ASCL5: variants seen among roughly 807,000 people sequenced by gnomAD.
ASCL5 encodes achaete-scute homolog 5.
For missense variants in ASCL5, 262 were observed against 268.9 expected, an observed-to-expected ratio of 0.97 and a Z score of 0.18; for synonymous variants, 124 against 131.5, an observed-to-expected ratio of 0.94 and a Z score of 0.39.
rs1334144000 is a variant in ASCL5, at chr1:201,115,497, C to T, written c.-125G>A. 1 of 756,398 alleles carries T rather than the reference C, an allele frequency of 1.3e-6. No individual in the cohort carries two copies. Among genetic ancestry groups the T allele is most frequent in the Non-Finnish European group, 1.8e-6 (1 of 554,966 alleles). 46.9% of individuals were successfully genotyped at this position (756,398 alleles called of 1,614,324 possible). Reference sequence around the variant, plus strand: ...AGCAGCTCTTGGGTACCAGGACTTGCTAGGGCCTCTTTTCGCCCTTTAGGG... The same window carrying T: ...AGCAGCTCTTGGGTACCAGGACTTGTTAGGGCCTCTTTTCGCCCTTTAGGG... On this transcript the variant is annotated 5_prime_UTR_variant, in exon 2 of 2. It removes the in-frame stop codon of an upstream open reading frame in the 5' UTR. Coordinates refer to ENST00000449188, the MANE Select transcript of ASCL5 (RefSeq NM_001270601.2).
chr1:201,115,547 G>A lies in ASCL5; in HGVS notation c.-175C>T, dbSNP rs1200529852. ...GTGGCTTCCAATGACTCCCTAACAA[G>A]AGCCATCGCCCTAGACAAGTGTGGC... is the stretch of plus-strand genomic sequence containing the variant. On this transcript the variant is annotated 5_prime_UTR_variant, in exon 2 of 2. Coordinates refer to ENST00000449188, the MANE Select transcript of ASCL5 (RefSeq NM_001270601.2). The A allele has an allele frequency of 4.7e-6, 2 of 422,310 alleles. No homozygotes were observed. The highest frequency in any genetic ancestry group is 8.0e-6 in the Non-Finnish European group (2 of 249,934). The allele number at this position is 422,310 out of a possible 1,614,324, so 26.2% of individuals were successfully genotyped here. A position where few individuals can be genotyped will look rare whatever the true frequency, so the allele number is the denominator to read the frequency against.
At chr1:201,120,798 T>C (rs1168300438) in intron 1 of ASCL5, among the ~76,000 whole-genome samples, 1 of 152,316 alleles carries the variant, frequency 6.6e-6, no homozygotes, top group East Asian at 1.9e-4. Context: ...AAGGAAGTAT[T>C]GGGGAAAGTG....
chr1:201,124,613 G>A (rs1485290207), intron 1 of ASCL5, among the ~76,000 whole-genome samples: 3 of 152,236 alleles, frequency 2.0e-5, no homozygotes, highest in African/African-American at 7.2e-5. Context: ...AGGAAGATGG[G>A]TCTGGTGGCC....
At chr1:201,121,026 G>T (rs905082343) in intron 1 of ASCL5, among the ~76,000 whole-genome samples, 3 of 152,200 alleles carry the variant, frequency 2.0e-5, no homozygotes, top group Non-Finnish European at 4.4e-5. Context: ...CCTGCCTCCA[G>T]GCAAGGTGGT....
intron 1 of ASCL5, among the ~76,000 whole-genome samples, chr1:201,126,156 A>G (rs979531176): frequency 6.6e-6 from 1 of 151,116 alleles, no homozygotes; most frequent in Admixed American, 6.6e-5. Flanking sequence ...TTTTTTAAGT[A>G]ACAGGATCTC....
chr1:201,121,270 AG>A (rs1663453120), intron 1 of ASCL5, among the ~76,000 whole-genome samples: 1 of 152,266 alleles, frequency 6.6e-6, no homozygotes, highest in Admixed American at 6.5e-5. Context: ...AATACACTTC[AG>A]GAAATTCTGC....
intron 1 of ASCL5, among the ~76,000 whole-genome samples, chr1:201,126,138 AT>A (rs58644617): frequency 1.2e-3 from 181 of 147,588 alleles, no homozygotes; most frequent in Middle Eastern, 7.1e-3. Context: ...TTTAAAGTTA[AT>A]TTTTTTTTTT....
chr1:201,115,578 T>G lies in ASCL5; in HGVS notation c.-206A>C, dbSNP rs1663322929. 5.1e-6 allele frequency: 2 copies of G among 389,546 alleles called. No homozygotes were observed. Among genetic ancestry groups the G allele is most frequent in the African/African-American group, 4.1e-5 (2 of 48,418 alleles). The allele number at this position is 389,546 out of a possible 1,614,324, so 24.1% of individuals were successfully genotyped here. A position where few individuals can be genotyped will look rare whatever the true frequency, so the allele number is the denominator to read the frequency against. On this transcript the variant is annotated 5_prime_UTR_variant, in exon 2 of 2. Transcript: ENST00000449188. ...TCGCCCTAGACAAGTGTGGCCCCTC[T>G]CAGGAGGTCGGTGCACGCCTTCTCA...
intron 1 of ASCL5, among the ~76,000 whole-genome samples, chr1:201,118,325 A>T (rs534670255): frequency 5.9e-5 from 9 of 152,182 alleles, no homozygotes; most frequent in Non-Finnish European, 7.4e-5. Context: ...ACAAAAAATT[A>T]AAAAAATTAG....
In ASCL5 at chr1:201,115,229, G is replaced by A. The variant is rs1663314277; in HGVS notation, c.144C>T (p.Tyr48=). 1 of 1,231,574 alleles carries A rather than the reference G, an allele frequency of 8.1e-7. No homozygotes were observed. The highest frequency in any genetic ancestry group is 1.0e-6 in the Non-Finnish European group (1 of 987,894). The allele number at this position is 1,231,574 out of a possible 1,614,324, so 76.3% of individuals were successfully genotyped here. ...EPLGNVPFLL[Y]PGPAEPPYYD... is the part of the protein sequence containing the mutation. ...AGTAGGGCGGCTCTGCTGGGCCCGGGTACAGCAGGAAGGGCACGTTGCCCA... is the reference window on the plus strand; with the variant it reads ...AGTAGGGCGGCTCTGCTGGGCCCGGATACAGCAGGAAGGGCACGTTGCCCA... The change falls in exon 2 of 2, where the codon TAC becomes TAT. Residue 48 remains tyrosine (Y), a synonymous_variant. Coordinates refer to ENST00000449188, the MANE Select transcript of ASCL5 (RefSeq NM_001270601.2).
Position 201,115,573 on chromosome 1 carries a change from C to T in ASCL5, c.-201G>A. The T allele has an allele frequency of 5.0e-6, 2 of 396,994 alleles. No homozygotes were observed. Among genetic ancestry groups the T allele is most frequent in the Non-Finnish European group, 8.7e-6 (2 of 228,914 alleles). 24.6% of individuals were successfully genotyped at this position (396,994 alleles called of 1,614,324 possible). ...AGCCATCGCCCTAGACAAGTGTGGC[C>T]CCTCTCAGGAGGTCGGTGCACGCCT... On this transcript the variant is annotated 5_prime_UTR_variant, in exon 2 of 2. Transcript: ENST00000449188.
chr1:201,114,854 G>A lies in ASCL5; in HGVS notation c.519C>T (p.Gly173=). The A allele has an allele frequency of 1.6e-6, 2 of 1,223,418 alleles. No individual in the cohort carries two copies. Among genetic ancestry groups the A allele is most frequent in the Non-Finnish European group, 1.0e-6 (1 of 982,208 alleles). 75.8% of individuals were successfully genotyped at this position (1,223,418 alleles called of 1,614,324 possible). A position where few individuals can be genotyped will look rare whatever the true frequency, so the allele number is the denominator to read the frequency against. ...AGGAGGGCGCCCGGGCCTCGCCGTC[G>A]CCAGGGCGGTCGGGACGGGGGGTGG... is the stretch of plus-strand genomic sequence containing the variant. ...PPATPRPDRP[G]DGEARAPSSL... is the part of the protein sequence containing the mutation. Residue 173 remains glycine (G), a synonymous_variant, in exon 2 of 2, where the codon GGC becomes GGT. Transcript: ENST00000449188.
chr1:201,114,946 G>T lies in ASCL5; in HGVS notation c.427C>A (p.Pro143Thr). The change falls in exon 2 of 2, where the codon CCC becomes ACC. Residue 143 changes from proline to threonine, a missense_variant. Physicochemically the swap from Pro to Thr is conservative, Grantham distance 38 (BLOSUM62 -1). Coordinates refer to ENST00000449188, the MANE Select transcript of ASCL5 (RefSeq NM_001270601.2). ...GAAGCGGGGGGCGTCGAGCCGTCGG[G>T]GGCCGAGCTCAGCAGCTCTTGCAGG... Reference protein sequence around the residue: ...KYLQELLSSAPDGSTPPASRG... With the variant: ...KYLQELLSSATDGSTPPASRG... The T allele has an allele frequency of 8.1e-7, 1 of 1,231,310 alleles. No homozygotes were observed. Among genetic ancestry groups the T allele is most frequent in the Non-Finnish European group, 1.0e-6 (1 of 987,762 alleles). The allele number at this position is 1,231,310 out of a possible 1,614,324, so 76.3% of individuals were successfully genotyped here. A position where few individuals can be genotyped will look rare whatever the true frequency, so the allele number is the denominator to read the frequency against.
In ASCL5 at chr1:201,115,833, G is replaced by C. The variant is rs749918977; in HGVS notation, c.-461C>G. 1.3e-5 allele frequency: 2 copies of C among 152,926 alleles called. No homozygotes were observed. The highest frequency in any genetic ancestry group is 2.9e-5 in the Non-Finnish European group (2 of 68,546). The allele number at this position is 152,926 out of a possible 1,614,324, so 9.5% of individuals were successfully genotyped here. Reference sequence around the variant, plus strand: ...CGGGGTCCCCAAACTGATGGCTGCTGTTAGGAGTGCGCCAGCTCAGTGGAG... The same window carrying C: ...CGGGGTCCCCAAACTGATGGCTGCTCTTAGGAGTGCGCCAGCTCAGTGGAG... On this transcript the variant is annotated 5_prime_UTR_variant, in exon 2 of 2. Transcript: ENST00000449188.
chr1:201,114,685 C>G lies in ASCL5; in HGVS notation c.*67G>C. ...CATCGCGGGTGACCCAACAGCCTCCCGCTGCTCCCGAAAGTGGGACGGGGC... is the reference window on the plus strand; with the variant it reads ...CATCGCGGGTGACCCAACAGCCTCCGGCTGCTCCCGAAAGTGGGACGGGGC... On this transcript the variant is annotated 3_prime_UTR_variant, in exon 2 of 2. Transcript: ENST00000449188. The G allele has an allele frequency of 2.5e-6, 3 of 1,218,626 alleles. No individual in the cohort carries two copies. The highest frequency in any genetic ancestry group is 3.1e-6 in the Non-Finnish European group (3 of 977,324). 75.5% of individuals were successfully genotyped at this position (1,218,626 alleles called of 1,614,324 possible). A position where few individuals can be genotyped will look rare whatever the true frequency, so the allele number is the denominator to read the frequency against.
At chr1:201,121,641 T>C (rs1663465091) in intron 1 of ASCL5, among the ~76,000 whole-genome samples, 2 of 152,136 alleles carry the variant, frequency 1.3e-5, no homozygotes, top group African/African-American at 4.8e-5. Context: ...AGGTTCTGCA[T>C]ACTTTAGTAG....
intron 1 of ASCL5, among the ~76,000 whole-genome samples, chr1:201,126,057 TGTTA>T (rs1398656892): frequency 6.6e-6 from 1 of 152,360 alleles, no homozygotes; most frequent in East Asian, 1.9e-4. Context: ...GGAAGGAGAC[TGTTA>T]TTTACTAGGC....
rs1663294713 is a variant in ASCL5 at position 201,114,705 on chromosome 1, C to G, written c.*47G>C. On this transcript the variant is annotated 3_prime_UTR_variant, in exon 2 of 2. Coordinates refer to ENST00000449188, the MANE Select transcript of ASCL5 (RefSeq NM_001270601.2). ...CCTCCCGCTGCTCCCGAAAGTGGGA[C>G]GGGGCCGGCGGATCATCCTCCAAGC... The G allele has an allele frequency of 8.1e-7, 1 of 1,228,474 alleles. No homozygotes were observed. The highest frequency in any genetic ancestry group is 4.1e-5 in the South Asian group (1 of 24,278). 76.1% of individuals were successfully genotyped at this position (1,228,474 alleles called of 1,614,324 possible).
chr1:201,120,516 C>G (rs1237079258), intron 1 of ASCL5, among the ~76,000 whole-genome samples: 1 of 152,168 alleles, frequency 6.6e-6, no homozygotes, highest in Non-Finnish European at 1.5e-5. Context: ...CCTGTCACTG[C>G]CCCCAACCCA....
Sources: gnomAD v4.1 joint callset for allele counts (sites outside exome capture counted in the v4.1 genomes callset) on GRCh38, gnomAD v4.1.1 for gene constraint, MANE v1.5 for transcripts, NCBI Gene and HGNC (gene_info 2026-07-23, HGNC 2026-07-21) for gene names.